TNR: variants seen among roughly 807,000 people sequenced by gnomAD.
TNR encodes the protein tenascin-R.
TNR carries 45 observed loss-of-function variants against 150.4 expected under a neutral mutation model. That is an observed-to-expected ratio of 0.30 (90% confidence interval 0.24 to 0.38). The LOEUF is 0.38. Ranked by LOEUF, TNR falls within the 10% of genes least tolerant of loss-of-function variation. The pLI is 1.00. For missense variants in TNR, 1,544 were observed against 1,759.1 expected, an observed-to-expected ratio of 0.88 and a Z score of 2.19; for synonymous variants, 687 against 678.4, an observed-to-expected ratio of 1.01 and a Z score of -0.20.
intron 1 of TNR, among the ~76,000 whole-genome samples, chr1:175,660,851 G>A (rs1350041696): frequency 6.6e-6 from 1 of 152,148 alleles, no homozygotes; most frequent in African/African-American, 2.4e-5. Flanking sequence ...CTCAGCAGAG[G>A]TTCCAGGAGA....
At chr1:175,371,601 A>T (rs1652107964) in intron 9 of TNR, among the ~76,000 whole-genome samples, 1 of 152,230 alleles carries the variant, frequency 6.6e-6, no homozygotes, top group South Asian at 2.1e-4. Context: ...GAAGTAAAAA[A>T]TGAAGACTTT....
At chr1:175,511,121 A>T (rs1213157048) in intron 2 of TNR, among the ~76,000 whole-genome samples, 2 of 152,216 alleles carry the variant, frequency 1.3e-5, no homozygotes, top group Non-Finnish European at 2.9e-5. Context: ...GGACTCTCTA[A>T]GTTGGGACTC....
In TNR at chr1:175,598,088, G is replaced by A. The variant is rs567851556; in HGVS notation, c.-164-69719C>T. On this transcript the variant is annotated intron_variant, in intron 1 of 22. Transcript: ENST00000367674. ...CACAGGGCATGTTCCTGAGGATGCC[G>A]AGAACAATATAAGGCAGTAAGGCAA... Among the ~76,000 whole-genome samples the A allele has an allele frequency of 5.8e-4, 88 of 152,222 alleles. 1 individual carries two copies. In the South Asian group the frequency reaches 9.3e-3, roughly 16 times the overall value.
chr1:175,333,602 A>G (rs1650059558), intron 20 of TNR: 1 of 152,228 alleles, frequency 6.6e-6, no homozygotes, highest in African/African-American at 2.4e-5. Flanking sequence ...TTTATTGATT[A>G]TCTACATTTT....
chr1:175,733,806 T>C (rs1667704162), intron 1 of TNR, among the ~76,000 whole-genome samples: 1 of 152,000 alleles, frequency 6.6e-6, no homozygotes, highest in Admixed American at 6.5e-5. Flanking sequence ...CTTGGCATGA[T>C]TTGCTGGCCT....
At position 175,365,622 on chromosome 1, in the gene TNR, T is replaced by C. The variant is rs572740789; in HGVS notation, c.2317+253A>G. Among the ~76,000 whole-genome samples the C allele has an allele frequency of 5.3e-5, 8 of 152,294 alleles. No individual in the cohort carries two copies. The South Asian group carries it at 1.7e-3, about 32-fold the overall frequency. On this transcript the variant is annotated intron_variant, in intron 11 of 22. Coordinates refer to ENST00000367674, the MANE Select transcript of TNR (RefSeq NM_003285.3). ...CTGCAGCAGGGAAAGATGGACAGAA[T>C]CAACTACTATGTCAAGGCCATAGAA...
chr1:175,381,837 G>A (rs1433858629), intron 8 of TNR, among the ~76,000 whole-genome samples: 1 of 152,214 alleles, frequency 6.6e-6, no homozygotes, highest in Admixed American at 6.5e-5. Flanking sequence ...GAGTGATCCG[G>A]CCCTGCCTGC....
chr1:175,356,461 G>C lies in TNR; in HGVS notation c.2976C>G (p.Val992=), dbSNP rs777809906. The change falls in exon 16 of 23, where the codon GTC becomes GTG. Residue 992 remains valine (V), a splice_region_variant and synonymous_variant. Transcript: ENST00000367674. ...CGTCAACAAGGATGGTCTCTCCAGC[G>C]ACTGAACTCAAATGAATATGAATAA... ...NYVIVLTHFA[V]AGETILVDGV... 2.5e-6 allele frequency: 4 copies of C among 1,613,710 alleles called. No homozygotes were observed. In the South Asian group the frequency reaches 3.3e-5, roughly 13 times the overall value.
At chr1:175,346,562 T>C (rs965937358) in intron 18 of TNR, among the ~76,000 whole-genome samples, 3 of 150,180 alleles carry the variant, frequency 2.0e-5, no homozygotes, top group African/African-American at 7.4e-5. Flanking sequence ...AGACAGAATA[T>C]GAAAAAAAAT....
At chr1:175,472,047 A>G (rs1338937223) in intron 2 of TNR, among the ~76,000 whole-genome samples, 1 of 152,084 alleles carries the variant, frequency 6.6e-6, no homozygotes, top group East Asian at 1.9e-4. Context: ...CTGAGGCAGG[A>G]GGATCACTTG....
chr1:175,451,218 A>ATTTTTTTTTT (rs1402508268), intron 2 of TNR, among the ~76,000 whole-genome samples: 27 of 92,416 alleles, frequency 2.9e-4, no homozygotes, highest in East Asian at 2.1e-3. Context: ...TTTTTTTTTA[A>ATTTTTTTTTT]TGTTTTTATT....
chr1:175,356,423 T>G lies in TNR; in HGVS notation c.3014A>C (p.Glu1005Ala), dbSNP rs1197635698. Reference sequence around the variant, plus strand: ...AGGAAGCAGGTCAACAAGCCGAAATTCCTCACTGACTCCGTCAACAAGGAT... The same window carrying G: ...AGGAAGCAGGTCAACAAGCCGAAATGCCTCACTGACTCCGTCAACAAGGAT... ...ETILVDGVSE[E>A]FRLVDLLPST... The change falls in exon 16 of 23, where the codon GAA (glutamate) becomes GCA (alanine). Residue 1005 changes from glutamate (E) to alanine (A), a missense_variant. Coordinates refer to ENST00000367674, the MANE Select transcript of TNR (RefSeq NM_003285.3). The G allele has an allele frequency of 1.2e-6, 2 of 1,613,998 alleles. No homozygotes were observed. The highest frequency in any genetic ancestry group is 1.7e-6 in the Non-Finnish European group (2 of 1,179,918).
At chr1:175,591,114 C>T (rs796814836) in intron 1 of TNR, among the ~76,000 whole-genome samples, 12 of 152,280 alleles carry the variant, frequency 7.9e-5, no homozygotes, top group East Asian at 7.7e-4. Flanking sequence ...CTCAAGATGC[C>T]ACATCCTCCT....
At chr1:175,363,253 G>A (rs1420340296) in intron 13 of TNR, among the ~76,000 whole-genome samples, 6 of 152,216 alleles carry the variant, frequency 3.9e-5, no homozygotes, top group African/African-American at 9.6e-5. Flanking sequence ...GTCTGGGCCA[G>A]TTTCCTCTGA....
chr1:175,343,570 A>G (rs552483047), intron 18 of TNR, among the ~76,000 whole-genome samples: 24 of 152,304 alleles, frequency 1.6e-4, no homozygotes, highest in Non-Finnish European at 1.5e-4. Context: ...TTATTTACTT[A>G]GCTTTTGGTC....
chr1:175,367,449 A>G (rs1308219210), intron 9 of TNR, 152 bp from the exon 10 acceptor site: 2 of 715,668 alleles, frequency 2.8e-6, no homozygotes, highest in Non-Finnish European at 4.8e-6. Flanking sequence ...AAGAAATCCC[A>G]ATTTCACTAT....
chr1:175,377,986 G>A (rs1450897721), intron 9 of TNR, among the ~76,000 whole-genome samples: 1 of 152,048 alleles, frequency 6.6e-6, no homozygotes, highest in Non-Finnish European at 1.5e-5. Context: ...GGTGTTGCCT[G>A]GGTCTCACAT....
At chr1:175,548,712 C>A (rs16848594) in intron 1 of TNR, among the ~76,000 whole-genome samples, 1,958 of 150,828 alleles carry the variant, frequency 0.013, 56 homozygotes, top group African/African-American at 0.046. Context: ...TACTGGGGAG[C>A]ACCCGACAGT....
In TNR at chr1:175,323,482, C is replaced by T. The variant is rs772960873; in HGVS notation, c.3958-6G>A. 6.3e-5 allele frequency: 102 copies of T among 1,613,026 alleles called. No homozygotes were observed. Among genetic ancestry groups the T allele is most frequent in the Non-Finnish European group, 8.1e-5 (95 of 1,179,538 alleles). On this transcript the variant is annotated splice_polypyrimidine_tract_variant and splice_region_variant and intron_variant, in intron 22 of 22. Transcript: ENST00000367674. ...CAATGGTACCAGTTGATGCCCTGGG[C>T]GTGAGAAAGATAAGCATGTCAGGTC...
Sources: allele counts gnomAD v4.1 joint callset (sites outside exome capture counted in the v4.1 genomes callset), GRCh38; gene constraint gnomAD v4.1.1; transcripts MANE v1.5; gene names NCBI Gene and HGNC (gene_info 2026-07-23, HGNC 2026-07-21).